The following LURAP1L variants were observed in gnomAD, a reference collection of about 807,000 sequenced individuals.
LURAP1L encodes the protein leucine rich adaptor protein 1-like.
In LURAP1L, 12 loss-of-function variants were observed where a neutral mutation model predicts 13.8. That is an observed-to-expected ratio of 0.87 (90% CI 0.56 to 1.41). LURAP1L has a LOEUF of 1.41. Among genes scored for constraint, LURAP1L ranks in the 40% most tolerant of loss-of-function variants. The pLI, the probability that LURAP1L is intolerant of heterozygous loss-of-function variation, is 0.00. For synonymous variants in LURAP1L, 139 were observed against 119.2 expected (o/e 1.17, Z -1.08); for missense variants, 375 against 292.9 (o/e 1.28, Z -2.04).
intron 1 of LURAP1L, among the ~76,000 whole-genome samples, chr9:12,791,182 G>C (rs1819435865): frequency 6.6e-6 from 1 of 152,002 alleles, no homozygotes; most frequent in South Asian, 2.1e-4. Flanking sequence ...AGGAAGAGTA[G>C]GTTTCTTGAG....
At chr9:12,787,304 A>T (rs116367259) in intron 1 of LURAP1L, among the ~76,000 whole-genome samples, 251 of 152,278 alleles carry the variant, frequency 1.6e-3, no homozygotes, top group African/African-American at 5.8e-3. Flanking sequence ...AATTCTGAGA[A>T]GTTCATGACG....
chr9:12,789,399 T>G (rs916039958), intron 1 of LURAP1L, among the ~76,000 whole-genome samples: 1 of 152,196 alleles, frequency 6.6e-6, no homozygotes, highest in African/African-American at 2.4e-5. Context: ...TCTTTCTTCC[T>G]TTTATCCTAT....
intron 1 of LURAP1L, among the ~76,000 whole-genome samples, chr9:12,786,575 T>TATATATATATATATATATAC (rs1409561310): frequency 6.2e-5 from 8 of 128,670 alleles, no homozygotes; most frequent in Non-Finnish European, 1.3e-4. Flanking sequence ...TATATATATA[T>TATATATATATATATATATAC]ATATATAAAC....
chr9:12,805,030 T>TA (rs1400907689), intron 1 of LURAP1L, among the ~76,000 whole-genome samples: 3 of 152,014 alleles, frequency 2.0e-5, no homozygotes, highest in Non-Finnish European at 4.4e-5. Flanking sequence ...AAATATAAAT[T>TA]AAAAAAATTA....
chr9:12,809,374 G>A (rs1309176929), intron 1 of LURAP1L, among the ~76,000 whole-genome samples: 3 of 151,994 alleles, frequency 2.0e-5, no homozygotes, highest in Non-Finnish European at 4.4e-5. Context: ...TCATCTTTAA[G>A]CTCACTGATT....
intron 1 of LURAP1L, among the ~76,000 whole-genome samples, chr9:12,819,343 G>A (rs1819843950): frequency 6.6e-6 from 1 of 152,104 alleles, no homozygotes; most frequent in South Asian, 2.1e-4. Context: ...TTTGAAACCT[G>A]TACAATCTTG....
intron 1 of LURAP1L, among the ~76,000 whole-genome samples, chr9:12,808,188 C>T (rs1177442461): frequency 6.6e-6 from 1 of 151,414 alleles, no homozygotes; most frequent in East Asian, 1.9e-4. Context: ...TAATACAGAT[C>T]TGAGTTTCTG....
intron 1 of LURAP1L, among the ~76,000 whole-genome samples, chr9:12,779,062 G>GTC (rs796795219): frequency 2.0e-5 from 3 of 151,898 alleles, no homozygotes; most frequent in East Asian, 1.9e-4. Flanking sequence ...CTATGTGAAT[G>GTC]TCTCTCTCTC....
rs565418403 is a variant in LURAP1L, at chr9:12,785,760, G to C, written c.312+9733G>C. On this transcript the variant is annotated intron_variant, in intron 1 of 1. Coordinates refer to ENST00000319264, the MANE Select transcript of LURAP1L (RefSeq NM_203403.2). Reference sequence around the variant, plus strand: ...AGGAGATGGAGGAGGGGCTGTGTAAGCAATACAAGAGTCTTTTCTGCCCTC... The same window carrying C: ...AGGAGATGGAGGAGGGGCTGTGTAACCAATACAAGAGTCTTTTCTGCCCTC... Among the ~76,000 whole-genome samples, 3 of 152,300 alleles carry C rather than the reference G, an allele frequency of 2.0e-5. No individual in the cohort carries two copies. In the East Asian group the frequency reaches 5.8e-4, roughly 29 times the overall value.
intron 1 of LURAP1L, among the ~76,000 whole-genome samples, chr9:12,801,012 C>T (rs1819578719): frequency 6.6e-6 from 1 of 152,018 alleles, no homozygotes; most frequent in South Asian, 2.1e-4. Context: ...ACTGAAAGAT[C>T]TATTTAATTT....
chr9:12,808,677 A>G (rs1819694361), intron 1 of LURAP1L, among the ~76,000 whole-genome samples: 1 of 152,164 alleles, frequency 6.6e-6, no homozygotes, highest in East Asian at 1.9e-4. Flanking sequence ...TAATTCGAAT[A>G]TAATATGCCT....
chr9:12,814,392 G>C (rs749427004), intron 1 of LURAP1L: 1 of 152,174 alleles, frequency 6.6e-6, no homozygotes, highest in East Asian at 1.9e-4. Context: ...CATTCTAAAT[G>C]AATCTCGGCT....
intron 1 of LURAP1L, among the ~76,000 whole-genome samples, chr9:12,785,136 G>A (rs1305778473): frequency 2.6e-5 from 4 of 152,124 alleles, no homozygotes; most frequent in African/African-American, 9.7e-5. Context: ...CTGGCCCAGG[G>A]TGTGTCTAGA....
chr9:12,784,797 C>T (rs1196022145), intron 1 of LURAP1L, among the ~76,000 whole-genome samples: 1 of 151,814 alleles, frequency 6.6e-6, no homozygotes, highest in African/African-American at 2.4e-5. Context: ...TCCCTTCTGG[C>T]CCAGGGTGGG....
intron 1 of LURAP1L, among the ~76,000 whole-genome samples, chr9:12,781,451 C>A (rs1819269397): frequency 6.6e-6 from 1 of 152,150 alleles, no homozygotes. Context: ...TACTTCCTAG[C>A]TCCATGAGTT....
At chr9:12,808,185 G>A (rs1819687051) in intron 1 of LURAP1L, among the ~76,000 whole-genome samples, 1 of 150,930 alleles carries the variant, frequency 6.6e-6, no homozygotes, top group South Asian at 2.1e-4. Context: ...TTTTAATACA[G>A]ATCTGAGTTT....
intron 1 of LURAP1L, among the ~76,000 whole-genome samples, chr9:12,787,275 G>T (rs117315904): frequency 0.037 from 5,593 of 152,002 alleles, 139 homozygotes; most frequent in Middle Eastern, 0.12. Context: ...AATTGTGTAG[G>T]TTTAAATTTT....
rs1443786437 is a variant in LURAP1L, at chr9:12,775,348, A to G, written c.-368A>G. ...TGAAAATTTTCCCTTGGTAAAGCTAAAACAGATTTAATTTCCCTCTCTTTT... is the reference window on the plus strand; with the variant it reads ...TGAAAATTTTCCCTTGGTAAAGCTAGAACAGATTTAATTTCCCTCTCTTTT... On this transcript the variant is annotated 5_prime_UTR_variant, in exon 1 of 2. Transcript: ENST00000319264. 1 of 212,034 alleles carries G rather than the reference A, an allele frequency of 4.7e-6. No homozygotes were observed. Among genetic ancestry groups the G allele is most frequent in the Non-Finnish European group, 9.2e-6 (1 of 109,090 alleles). 13.1% of individuals were successfully genotyped at this position (212,034 alleles called of 1,614,324 possible).
chr9:12,777,587 C>G, intron 1 of LURAP1L: 1 of 971,226 alleles, frequency 1.0e-6, no homozygotes, highest in Non-Finnish European at 1.2e-6. Flanking sequence ...TATTTTCTTT[C>G]TCAGTAGCTC....
Sources: gnomAD v4.1 joint callset for allele counts (sites outside exome capture counted in the v4.1 genomes callset) on GRCh38, gnomAD v4.1.1 for gene constraint, MANE v1.5 for transcripts, NCBI Gene and HGNC (gene_info 2026-07-23, HGNC 2026-07-21) for gene names.